Variants in LRRC37A2 observed in about 807,000 individuals in gnomAD.
LRRC37A2 encodes leucine rich repeat containing 37 member A2, also known as leucine-rich repeat-containing protein 37A2.
A neutral mutation model predicts 68.8 loss-of-function variants in LRRC37A2; 9 were observed. The ratio of observed to expected loss-of-function variants is 0.13; its 90% CI spans 0.08 to 0.23. The LOEUF is 0.23. Among genes scored for constraint, LRRC37A2 ranks in the 10% least tolerant of loss-of-function variants. The pLI, the probability that LRRC37A2 is intolerant of heterozygous loss-of-function variation, is 1.00. For synonymous variants in LRRC37A2, 63 were observed against 367.6 expected (o/e 0.17, Z 9.48); for missense variants, 168 against 950.4 (o/e 0.18, Z 10.82).
At chr17:46,496,918 GA>G in the LRRC37A2 span, among the ~76,000 whole-genome samples, 20,931 of 129,850 alleles carry the variant, frequency 0.16, 2,613 homozygotes, top group South Asian at 0.44. Context: ...CCATCTCGGG[GA>G]AAAAAAAAAA....
rs1191011291 is a variant in LRRC37A2 at position 46,525,572 on chromosome 17, G to A, written c.2906+1688G>A. 3.9e-5 allele frequency among the ~76,000 whole-genome samples: 4 copies of A among 102,270 alleles called. No homozygotes were observed. In the East Asian group the frequency reaches 1.1e-3, roughly 27 times the overall value. The allele number at this position is 102,270 out of a possible 152,430, so 67.1% of individuals were successfully genotyped here. A position where few individuals can be genotyped will look rare whatever the true frequency, so the allele number is the denominator to read the frequency against. On this transcript the variant is annotated intron_variant, in intron 6 of 14. Transcript: ENST00000576629. ...ATTGCACTCCAGCCTGAGGGACAGA[G>A]TGAGACTCTGTCTCAAATAATAATA...
the LRRC37A2 span, among the ~76,000 whole-genome samples, chr17:46,896,114 T>TA: frequency 2.0e-5 from 3 of 151,220 alleles, no homozygotes; most frequent in Admixed American, 6.6e-5. Context: ...CCGTCTCTAC[T>TA]AAAAAAACCA....
At chr17:47,021,907 T>C in the LRRC37A2 span, 11 of 1,523,052 alleles carry the variant, frequency 7.2e-6, no homozygotes, top group Non-Finnish European at 1.0e-5. Flanking sequence ...AAGTGTACAG[T>C]TGGACCGAGA....
chr17:46,967,840 C>A, the LRRC37A2 span, among the ~76,000 whole-genome samples: 2,018 of 152,054 alleles, frequency 0.013, 40 homozygotes, highest in African/African-American at 0.047. Context: ...GGTAGGGGGC[C>A]CAGAGACCAT....
the LRRC37A2 span, among the ~76,000 whole-genome samples, chr17:46,724,336 T>C: frequency 1.3e-5 from 2 of 152,226 alleles, no homozygotes; most frequent in Non-Finnish European, 2.9e-5. Flanking sequence ...TTTACACTAC[T>C]ATATCTCCGT....
chr17:46,863,977 A>G, the LRRC37A2 span, among the ~76,000 whole-genome samples: 4 of 152,176 alleles, frequency 2.6e-5, no homozygotes, highest in Admixed American at 2.6e-4. Context: ...GCAGGAGAAC[A>G]AGTGGAATCT....
At chr17:46,780,072 A>C in the LRRC37A2 span, among the ~76,000 whole-genome samples, 32 of 152,232 alleles carry the variant, frequency 2.1e-4, no homozygotes, top group African/African-American at 7.5e-4. Flanking sequence ...GAACATTTTT[A>C]GAGAACATTT....
the LRRC37A2 span, among the ~76,000 whole-genome samples, chr17:46,786,231 A>T: frequency 6.6e-6 from 1 of 152,028 alleles, no homozygotes; most frequent in Non-Finnish European, 1.5e-5. Flanking sequence ...GGAAGAGGGG[A>T]CAAGAGGTGA....
At chr17:46,931,002 G>A in the LRRC37A2 span, 35 of 748,808 alleles carry the variant, frequency 4.7e-5, no homozygotes, top group South Asian at 5.0e-4. Context: ...TGTAGTTCTA[G>A]TTTATTGGAT....
At chr17:46,941,450 C>G in the LRRC37A2 span, 1 of 983,678 alleles carries the variant, frequency 1.0e-6, no homozygotes, top group Non-Finnish European at 1.2e-6. Context: ...TTCTCAAACA[C>G]TGCTCCATGG....
the LRRC37A2 span, chr17:46,978,636 A>T: frequency 6.3e-7 from 1 of 1,585,198 alleles, no homozygotes; most frequent in East Asian, 2.3e-5. Context: ...GGGCGGACCC[A>T]GATGGCGCTC....
At chr17:46,897,635 T>A in the LRRC37A2 span, among the ~76,000 whole-genome samples, 1 of 152,114 alleles carries the variant, frequency 6.6e-6, no homozygotes, top group African/African-American at 2.4e-5. Context: ...TACCTTTTTT[T>A]ATTTTATTTT....
chr17:46,392,477 T>TCTTTCTTTC, the LRRC37A2 span, among the ~76,000 whole-genome samples: 1 of 60,522 alleles, frequency 1.7e-5, no homozygotes, highest in African/African-American at 5.6e-5. Context: ...TTCTTTCCTT[T>TCTTTCTTTC]CTTTCTTTCC....
chr17:46,830,870 G>T, the LRRC37A2 span: 253 of 397,750 alleles, frequency 6.4e-4, no homozygotes, highest in Non-Finnish European at 9.8e-4. Context: ...AAGTCTGGTT[G>T]GTCCTAATAC....
At chr17:46,929,835 T>C in the LRRC37A2 span, 1 of 492,668 alleles carries the variant, frequency 2.0e-6, no homozygotes, top group South Asian at 2.2e-5. Flanking sequence ...ATGGAAGCGC[T>C]TGCCTCCATC....
At chr17:46,905,735 C>G in the LRRC37A2 span, among the ~76,000 whole-genome samples, 1 of 152,034 alleles carries the variant, frequency 6.6e-6, no homozygotes, top group Non-Finnish European at 1.5e-5. Context: ...GGAAGACAAA[C>G]AGCCAAGTCA....
chr17:46,951,734 G>T, the LRRC37A2 span, among the ~76,000 whole-genome samples: 1 of 152,326 alleles, frequency 6.6e-6, no homozygotes, highest in Admixed American at 6.5e-5. Context: ...AAGAGGAAAA[G>T]GAAACCTCTA....
the LRRC37A2 span, chr17:46,833,004 C>T: frequency 3.6e-6 from 1 of 274,356 alleles, no homozygotes; most frequent in South Asian, 3.7e-5. Flanking sequence ...GAACAGGCCC[C>T]TTTAGGCTGT....
the LRRC37A2 span, among the ~76,000 whole-genome samples, chr17:46,760,714 C>A: frequency 6.6e-6 from 1 of 151,630 alleles, no homozygotes; most frequent in Non-Finnish European, 1.5e-5. Context: ...CATCCCTAAT[C>A]TAAAAATCCA....
Sources: allele counts gnomAD v4.1 joint callset (sites outside exome capture counted in the v4.1 genomes callset), GRCh38; gene constraint gnomAD v4.1.1; transcripts MANE v1.5; gene names NCBI Gene and HGNC (gene_info 2026-07-23, HGNC 2026-07-21).